The following TEKT5 variants were observed in gnomAD, a reference collection of about 807,000 sequenced individuals.
TEKT5 encodes the protein tektin 5.
Under a neutral mutation model 48.7 loss-of-function variants are expected in TEKT5, and 52 were observed. That is an observed-to-expected ratio of 1.07 (90% CI 0.86 to 1.35). The LOEUF is 1.35. Ranked by LOEUF, TEKT5 falls within the 40% of genes most tolerant of loss-of-function variation. The probability of loss-of-function intolerance (pLI) is 0.00; values close to 1 mark genes in which losing one functional copy is unlikely to be tolerated. For missense variants in TEKT5, 831 were observed against 641.6 expected, an observed-to-expected ratio of 1.30 and a Z score of -3.19; for synonymous variants, 318 against 267.6, an observed-to-expected ratio of 1.19 and a Z score of -1.84.
intron 5 of TEKT5, among the ~76,000 whole-genome samples, chr16:10,658,217 C>T (rs1442656733): frequency 1.3e-5 from 2 of 152,166 alleles, no homozygotes; most frequent in South Asian, 2.1e-4. Context: ...ACAGAACCTA[C>T]TGAAGCTGAA....
At chr16:10,685,789 C>G (rs1280932572) in intron 3 of TEKT5, among the ~76,000 whole-genome samples, 1 of 152,166 alleles carries the variant, frequency 6.6e-6, no homozygotes, top group Non-Finnish European at 1.5e-5. Context: ...ATCTCTCTCT[C>G]TGTGTCTCTC....
intron 5 of TEKT5, among the ~76,000 whole-genome samples, chr16:10,646,164 A>T (rs1423594988): frequency 6.6e-6 from 1 of 152,132 alleles, no homozygotes; most frequent in Non-Finnish European, 1.5e-5. Context: ...TTGATCTGAC[A>T]TTCAAGTTTA....
At chr16:10,640,430 T>TA (rs1003753926) in intron 5 of TEKT5, among the ~76,000 whole-genome samples, 1 of 152,192 alleles carries the variant, frequency 6.6e-6, no homozygotes, top group Non-Finnish European at 1.5e-5. Context: ...CGTGACTTTT[T>TA]AAAAAATAGA....
At chr16:10,654,834 T>C (rs951980323) in intron 5 of TEKT5, among the ~76,000 whole-genome samples, 2 of 151,496 alleles carry the variant, frequency 1.3e-5, no homozygotes, top group African/African-American at 2.4e-5. Context: ...TTTCTATATA[T>C]CGTATTGCTT....
In TEKT5 at chr16:10,681,998, G is replaced by A. The variant is rs12918646; in HGVS notation, c.858C>T (p.Asp286=). 0.21 allele frequency: 344,173 copies of A among 1,613,350 alleles called. 42,229 individuals are homozygous for A. Among genetic ancestry groups the A allele is most frequent in the East Asian group, 0.5 (22,232 of 44,840 alleles). Reference sequence around the variant, plus strand: ...AGGGGGAGTCTGATACTTACGTGCCGTCAATTTTCTCCATGCCGTGGAAGA... The same window carrying A: ...AGGGGGAGTCTGATACTTACGTGCCATCAATTTTCTCCATGCCGTGGAAGA... ...ISFFHGMEKI[D]GTISVPETWA... is the part of the protein sequence containing the mutation. Residue 286 remains aspartate, a synonymous_variant, in exon 4 of 7, where the codon GAC becomes GAT. Transcript: ENST00000283025.
intron 5 of TEKT5, among the ~76,000 whole-genome samples, chr16:10,645,203 A>G (rs2142268124): frequency 6.6e-6 from 1 of 152,286 alleles, no homozygotes; most frequent in Non-Finnish European, 1.5e-5. Flanking sequence ...CATGAGACAT[A>G]CTGATGTTAA....
chr16:10,661,376 T>C (rs1898367638), intron 5 of TEKT5, among the ~76,000 whole-genome samples: 1 of 152,212 alleles, frequency 6.6e-6, no homozygotes, highest in South Asian at 2.1e-4. Context: ...ATCTTTGGAC[T>C]TGAAGAGCTT....
chr16:10,635,559 G>A (rs1252473618), intron 6 of TEKT5, among the ~76,000 whole-genome samples: 1 of 152,136 alleles, frequency 6.6e-6, no homozygotes, highest in Non-Finnish European at 1.5e-5. Flanking sequence ...TCCCAGTGAT[G>A]AGGAAGCCAC....
intron 6 of TEKT5, 30 bp from the exon 7 acceptor site, chr16:10,627,829 G>A (rs774365647): frequency 2.5e-6 from 4 of 1,588,260 alleles, no homozygotes; most frequent in Middle Eastern, 1.8e-4. Context: ...GAAGGCACAG[G>A]TTATTCATTT....
intron 5 of TEKT5, among the ~76,000 whole-genome samples, chr16:10,667,315 C>T (rs1185134625): frequency 6.6e-6 from 1 of 152,170 alleles, no homozygotes; most frequent in Admixed American, 6.5e-5. Flanking sequence ...GATCTCTCCC[C>T]TACACAGTGA....
chr16:10,635,974 C>A, intron 5 of TEKT5, 56 bp from the exon 6 acceptor site: 1 of 1,587,850 alleles, frequency 6.3e-7, no homozygotes, highest in South Asian at 1.1e-5. Context: ...CCTCCTCTGA[C>A]TGGGGGCCTG....
intron 5 of TEKT5, 109 bp downstream of exon 5, chr16:10,675,850 T>A (rs1305412127): frequency 9.2e-7 from 1 of 1,089,574 alleles, no homozygotes; most frequent in African/African-American, 1.5e-5. Flanking sequence ...GAGAGGGTAC[T>A]GCTTTGGCAC....
intron 5 of TEKT5, among the ~76,000 whole-genome samples, chr16:10,638,574 G>A (rs1207755114): frequency 1.3e-5 from 2 of 152,140 alleles, no homozygotes; most frequent in African/African-American, 2.4e-5. Flanking sequence ...TGAAGAGTTC[G>A]ATTTCATTTG....
chr16:10,653,635 A>C (rs1313469608), intron 5 of TEKT5, among the ~76,000 whole-genome samples: 1 of 152,216 alleles, frequency 6.6e-6, no homozygotes, highest in Non-Finnish European at 1.5e-5. Context: ...TTGCCCGGCC[A>C]GGTGTGGTGG....
At chr16:10,656,187 G>T (rs1337047931) in intron 5 of TEKT5, among the ~76,000 whole-genome samples, 1 of 152,156 alleles carries the variant, frequency 6.6e-6, no homozygotes, top group Non-Finnish European at 1.5e-5. Context: ...ATTATCTCCA[G>T]ACGTTGCCAA....
At chr16:10,675,635 C>T (rs1015904743) in intron 5 of TEKT5, among the ~76,000 whole-genome samples, 3 of 152,138 alleles carry the variant, frequency 2.0e-5, no homozygotes, top group African/African-American at 4.8e-5. Flanking sequence ...TATGGTGTGC[C>T]GGGCTCCGTT....
At chr16:10,673,918 C>T (rs139633981) in intron 5 of TEKT5, among the ~76,000 whole-genome samples, 2,607 of 152,166 alleles carry the variant, frequency 0.017, 72 homozygotes, top group African/African-American at 0.06. Flanking sequence ...TTCCAAAGTG[C>T]TGGGATTACA....
Position 10,682,096 on chromosome 16 carries a change from C to G in TEKT5, c.760G>C (p.Glu254Gln), listed in dbSNP as rs761518800. The change falls in exon 4 of 7, where the codon GAA becomes CAA. Residue 254 changes from glutamate to glutamine, a missense_variant. Physicochemically the swap from Glu to Gln is conservative, Grantham distance 29 (BLOSUM62 2). Transcript: ENST00000283025. ...ATACACTGGGCCGAGCTTTTGTCTT[C>G]GAGGTCCCTCTCCAGCACGTGCTGA... is the stretch of plus-strand genomic sequence containing the variant. ...DAQHVLERDLEDKSSAQCIDE... is the reference protein window; with the variant it reads ...DAQHVLERDLQDKSSAQCIDE... 2 of 1,614,160 alleles carry G rather than the reference C, an allele frequency of 1.2e-6. No individual in the cohort carries two copies. Among genetic ancestry groups the G allele is most frequent in the Non-Finnish European group, 8.5e-7 (1 of 1,180,028 alleles).
At position 10,694,888 on chromosome 16, in the gene TEKT5, C is replaced by G; in HGVS notation, c.-15G>C. 1 of 1,526,880 alleles carries G rather than the reference C, an allele frequency of 6.5e-7. No homozygotes were observed. Among genetic ancestry groups the G allele is most frequent in the South Asian group, 1.3e-5 (1 of 76,188 alleles). 94.6% of individuals were successfully genotyped at this position (1,526,880 alleles called of 1,614,324 possible). The stretch of plus-strand genomic sequence containing the variant: ...AGAAACTCCATCCTCCCTCATGAGC[C>G]CCACTCGGGCAAAACTCAGCTCAAG... On this transcript the variant is annotated 5_prime_UTR_variant, in exon 1 of 7. Transcript: ENST00000283025.
Sources: gnomAD v4.1 joint callset for allele counts (sites outside exome capture counted in the v4.1 genomes callset) on GRCh38, gnomAD v4.1.1 for gene constraint, MANE v1.5 for transcripts, NCBI Gene and HGNC (gene_info 2026-07-23, HGNC 2026-07-21) for gene names.